The following PIBF1 variants were observed in gnomAD, a reference collection of about 807,000 sequenced individuals.
The protein encoded by PIBF1 is progesterone immunomodulatory binding factor 1.
In PIBF1, 90 loss-of-function variants were observed where a neutral mutation model predicts 112.5. The ratio of observed to expected loss-of-function variants is 0.80; its 90% CI spans 0.67 to 0.95. PIBF1 has a LOEUF of 0.95. Among genes scored for constraint, PIBF1 ranks in the 40% least tolerant of loss-of-function variants. The pLI is 0.00. For missense variants in PIBF1, 915 were observed against 852.3 expected (o/e 1.07, Z -0.92); for synonymous variants, 301 against 288.6 (o/e 1.04, Z -0.44).
intron 14 of PIBF1, among the ~76,000 whole-genome samples, chr13:72,941,973 G>A (rs2042022570): frequency 6.6e-6 from 1 of 152,104 alleles, no homozygotes; most frequent in Non-Finnish European, 1.5e-5. Context: ...TCATGGATTA[G>A]CAATATGAAA....
intron 10 of PIBF1, among the ~76,000 whole-genome samples, chr13:72,857,429 C>G (rs1012053118): frequency 6.6e-6 from 1 of 152,150 alleles, no homozygotes; most frequent in Non-Finnish European, 1.5e-5. Context: ...TAAGGAAAGT[C>G]AAAAAACAAA....
intron 10 of PIBF1, among the ~76,000 whole-genome samples, chr13:72,880,696 A>T (rs2039590336): frequency 1.3e-5 from 2 of 152,238 alleles, no homozygotes; most frequent in Admixed American, 6.5e-5. Flanking sequence ...AACTATAAAA[A>T]TAAATACTTA....
rs1566279062 is a variant in PIBF1, at chr13:72,795,503, T to C, written c.498T>C (p.Tyr166=). Residue 166 remains tyrosine (Y), a synonymous_variant, in exon 4 of 18, where the codon TAT becomes TAC. Transcript: ENST00000326291. ...LRDFELTEEQ[Y]IKLKAFPEDQ... is the part of the protein sequence containing the mutation. ...ACTTTGAGTTGACAGAAGAGCAATA[T>C]ATTAAATTAAAAGCTTTTCCTGAAG... 2 of 1,607,070 alleles carry C rather than the reference T, an allele frequency of 1.2e-6. No homozygotes were observed. The highest frequency in any genetic ancestry group is 2.2e-5 in the South Asian group (2 of 89,136).
chr13:72,838,596 G>A lies in PIBF1; in HGVS notation c.1223+3228G>A, dbSNP rs191845651. Reference sequence around the variant, plus strand: ...TCAGAAGTGAGATACAGAAACAGCTGGATTTGTTATAGGTTGGTGTTTAAC... The same window carrying A: ...TCAGAAGTGAGATACAGAAACAGCTAGATTTGTTATAGGTTGGTGTTTAAC... On this transcript the variant is annotated intron_variant, in intron 9 of 17. Transcript: ENST00000326291. 6.9e-4 allele frequency among the ~76,000 whole-genome samples: 105 copies of A among 152,238 alleles called. 1 individual carries two copies. The highest frequency in any genetic ancestry group is 1.3e-3 in the African/African-American group (55 of 41,540).
At chr13:73,013,744 A>G (rs1475652123) in intron 17 of PIBF1, among the ~76,000 whole-genome samples, 2 of 144,686 alleles carry the variant, frequency 1.4e-5, no homozygotes, top group African/African-American at 2.5e-5. Context: ...AAAAAAAAAA[A>G]AAAAAAAAAG....
chr13:72,808,682 C>T (rs1008612940), intron 5 of PIBF1, among the ~76,000 whole-genome samples: 1 of 152,096 alleles, frequency 6.6e-6, no homozygotes, highest in African/African-American at 2.4e-5. Context: ...GCAGAAATTA[C>T]CCAGAGAATT....
Position 72,919,758 on chromosome 13 carries a change from A to T in PIBF1, c.1730+2592A>T, listed in dbSNP as rs542280469. 1.1e-3 allele frequency among the ~76,000 whole-genome samples: 160 copies of T among 152,246 alleles called. 2 individuals carry two copies. Among genetic ancestry groups the T allele is most frequent in the African/African-American group, 3.5e-3 (147 of 41,552 alleles). ...CAATGCAGGCAAATTGCTTGAGTCC[A>T]GGAGTTTGAGAACAGCCTGGGCAAC... On this transcript the variant is annotated intron_variant, in intron 13 of 17. Coordinates refer to ENST00000326291, the MANE Select transcript of PIBF1 (RefSeq NM_006346.4).
chr13:72,890,935 A>C (rs142142321), intron 10 of PIBF1, among the ~76,000 whole-genome samples: 3 of 152,238 alleles, frequency 2.0e-5, no homozygotes, highest in East Asian at 3.9e-4. Flanking sequence ...CATAAACAAC[A>C]TGGAAATAGA....
intron 13 of PIBF1, among the ~76,000 whole-genome samples, chr13:72,919,107 G>A (rs1289599766): frequency 6.6e-6 from 1 of 152,086 alleles, no homozygotes; most frequent in African/African-American, 2.4e-5. Context: ...ATTCAGAGTT[G>A]CTTTTTTTTA....
chr13:72,869,166 C>G (rs996461560), intron 10 of PIBF1, among the ~76,000 whole-genome samples: 1 of 152,190 alleles, frequency 6.6e-6, no homozygotes, highest in East Asian at 1.9e-4. Context: ...CACATGCACA[C>G]GTATGTTTAT....
intron 12 of PIBF1, among the ~76,000 whole-genome samples, chr13:72,914,910 TC>T (rs1252768191): frequency 1.3e-5 from 2 of 152,304 alleles, no homozygotes; most frequent in East Asian, 3.9e-4. Context: ...ATTTCCTCTT[TC>T]TTCCCTGAAA....
chr13:72,971,192 GTGTGTGTGTGTGTA>G (rs975205370), intron 15 of PIBF1, among the ~76,000 whole-genome samples: 6 of 114,882 alleles, frequency 5.2e-5, no homozygotes, highest in South Asian at 2.7e-4. Context: ...GTGAGTGTGT[GTGTGTGTGTGTGTA>G]TGTGTGTGTG....
intron 14 of PIBF1, among the ~76,000 whole-genome samples, chr13:72,955,069 C>A (rs1411594213): frequency 6.6e-6 from 1 of 152,148 alleles, no homozygotes; most frequent in Non-Finnish European, 1.5e-5. Context: ...ACTGTTATCA[C>A]TCTGTTACTT....
intron 15 of PIBF1, among the ~76,000 whole-genome samples, chr13:72,971,151 T>C (rs2042878353): frequency 6.6e-6 from 1 of 151,824 alleles, no homozygotes; most frequent in African/African-American, 2.4e-5. Context: ...ACATATTCTT[T>C]AGAAGAGCCA....
intron 14 of PIBF1, among the ~76,000 whole-genome samples, chr13:72,954,360 A>G (rs1219349438): frequency 6.6e-6 from 1 of 152,198 alleles, no homozygotes; most frequent in African/African-American, 2.4e-5. Context: ...CTTCTGCACT[A>G]TAGCACACTT....
At chr13:72,868,313 GAAA>G (rs76699229) in intron 10 of PIBF1, among the ~76,000 whole-genome samples, 51 of 124,956 alleles carry the variant, frequency 4.1e-4, no homozygotes, top group Admixed American at 5.8e-4. Context: ...TATTAAAAAA[GAAA>G]AAAAAAAAAA....
At chr13:73,014,909 C>T (rs1283508950) in intron 17 of PIBF1, among the ~76,000 whole-genome samples, 1 of 152,132 alleles carries the variant, frequency 6.6e-6, no homozygotes, top group Non-Finnish European at 1.5e-5. Flanking sequence ...CTCAGCCTCC[C>T]GAGTAGCTTG....
chr13:72,792,531 C>A lies in PIBF1; in HGVS notation c.337C>A (p.Gln113Lys). 1.3e-6 allele frequency: 2 copies of A among 1,530,638 alleles called. No homozygotes were observed. The highest frequency in any genetic ancestry group is 2.4e-5 in the East Asian group (1 of 41,688). 94.8% of individuals were successfully genotyped at this position (1,530,638 alleles called of 1,614,324 possible). A position where few individuals can be genotyped will look rare whatever the true frequency, so the allele number is the denominator to read the frequency against. Residue 113 changes from glutamine (Q) to lysine (K), a missense_variant, in exon 3 of 18, where the codon CAA becomes AAA. Gln to Lys is a moderately conservative substitution (Grantham distance 53). Coordinates refer to ENST00000326291, the MANE Select transcript of PIBF1 (RefSeq NM_006346.4). ...TLRLDNQLAF[Q>K]QKDASKYQEL... ...GAGATTAGACAACCAATTGGCTTTT[C>A]AACAGAAAGATGCCAGGTAAGAAAA...
intron 13 of PIBF1, among the ~76,000 whole-genome samples, chr13:72,929,409 TA>T (rs912903126): frequency 6.6e-6 from 1 of 152,150 alleles, no homozygotes; most frequent in Non-Finnish European, 1.5e-5. Context: ...GTAAACTCCT[TA>T]AAAATTTATA....
Sources: gnomAD v4.1 joint callset for allele counts (sites outside exome capture counted in the v4.1 genomes callset) on GRCh38, gnomAD v4.1.1 for gene constraint, MANE v1.5 for transcripts, NCBI Gene and HGNC (gene_info 2026-07-23, HGNC 2026-07-21) for gene names.